Variants in RUBCN observed in about 807,000 individuals in gnomAD.
The protein encoded by RUBCN is rubicon autophagy regulator.
A neutral mutation model predicts 113.2 loss-of-function variants in RUBCN; 74 were observed. The ratio of observed to expected loss-of-function variants is 0.65; its 90% CI spans 0.54 to 0.79. The LOEUF is 0.79. Ranked by LOEUF, RUBCN falls within the 30% of genes least tolerant of loss-of-function variation. The pLI, the probability that RUBCN is intolerant of heterozygous loss-of-function variation, is 0.00. For synonymous variants in RUBCN, 480 were observed against 490.0 expected, an observed-to-expected ratio of 0.98 and a Z score of 0.27; for missense variants, 1,109 against 1,251.7, an observed-to-expected ratio of 0.89 and a Z score of 1.72.
chr3:197,688,595 A>G (rs981446210), intron 11 of RUBCN, among the ~76,000 whole-genome samples: 2 of 152,260 alleles, frequency 1.3e-5, no homozygotes, highest in Non-Finnish European at 2.9e-5. Context: ...AGAAGAATCT[A>G]CAAAGGAAGA....
At chr3:197,689,639 A>G (rs555155524) in intron 11 of RUBCN, among the ~76,000 whole-genome samples, 7 of 152,236 alleles carry the variant, frequency 4.6e-5, no homozygotes, top group Non-Finnish European at 1.0e-4. Flanking sequence ...GGAGTAGGAA[A>G]AAAAGGAACC....
In RUBCN at chr3:197,670,219, T is replaced by C. The variant is rs761975566; in HGVS notation, c.*4799A>G. On this transcript the variant is annotated 3_prime_UTR_variant, in exon 20 of 20. Transcript: ENST00000296343. The stretch of plus-strand genomic sequence containing the variant: ...ATAATTTTTATAACTGTCATTTTGA[T>C]GGTTGCATCAATTTTTTTATTTTCC... Among the ~76,000 whole-genome samples the C allele has an allele frequency of 5.3e-5, 8 of 152,236 alleles. No individual in the cohort carries two copies. The highest frequency in any genetic ancestry group is 1.3e-4 in the Admixed American group (2 of 15,288).
chr3:197,737,005 C>G, upstream of RUBCN: 1 of 1,137,936 alleles, frequency 8.8e-7, no homozygotes, highest in Non-Finnish European at 1.1e-6. Flanking sequence ...GCTCGCAGAC[C>G]GCGCCCCTCC....
At chr3:197,703,397 CAAAAAAAAAAAAAAAAAAAAAAA>C in intron 5 of RUBCN, 128 bp downstream of exon 5, 7 of 154,812 alleles carry the variant, frequency 4.5e-5, no homozygotes, top group Non-Finnish European at 5.8e-5. Context: ...GACTCTGTCT[CAAAAAAAAAAAAAAAAAAAAAAA>C]AAAAAAAAAA....
At chr3:197,745,726 G>GA (rs1728716054) in intron 1 of RUBCN, among the ~76,000 whole-genome samples, 1 of 151,982 alleles carries the variant, frequency 6.6e-6, no homozygotes, top group Non-Finnish European at 1.5e-5. Flanking sequence ...AAAGGAGCCA[G>GA]AAAGTGTTAA....
chr3:197,736,628 C>T (rs753378982), intron 1 of RUBCN, 27 bp downstream of exon 1: 1 of 1,532,414 alleles, frequency 6.5e-7, no homozygotes, highest in Admixed American at 2.0e-5. Context: ...TGTCGCTGCC[C>T]CGACTCCGCG....
In RUBCN at chr3:197,684,189, T is replaced by A. The variant is rs1405580122; in HGVS notation, c.1815A>T (p.Ser605=). 5 of 1,613,730 alleles carry A rather than the reference T, an allele frequency of 3.1e-6. No individual in the cohort carries two copies. The highest frequency in any genetic ancestry group is 4.2e-6 in the Non-Finnish European group (5 of 1,179,762). Residue 605 remains serine (S), a synonymous_variant, in exon 12 of 20, where the codon TCA becomes TCT. Transcript: ENST00000296343. ...QDADIRRNTA[S]SSKSFVSSQS... ...GGGAGGAAACGAAGGATTTGCTGCT[T>A]GAGGCTGTGTTCCTTCTGATGTCAG...
In RUBCN at chr3:197,681,145, A is replaced by G; in HGVS notation, c.2414T>C (p.Leu805Pro). 6.2e-7 allele frequency: 1 copy of G among 1,613,166 alleles called. No homozygotes were observed. Among genetic ancestry groups the G allele is most frequent in the Non-Finnish European group, 8.5e-7 (1 of 1,179,232 alleles). ...AGGTCTTACCCGGACTTGATTGAGC[A>G]GCTTGACCTTCCTATAGAGGGCACT... ...INSALYRKVK[L>P]LNQVRLLRVQ... Residue 805 changes from leucine (L) to proline (P), a missense_variant, in exon 16 of 20, where the codon CTG becomes CCG. Physicochemically the swap from Leu to Pro is moderately conservative, Grantham distance 98. This residue lies in a region of RUBCN where 306 missense variants were observed against 348.9 expected (regional missense o/e 0.88). Transcript: ENST00000296343. This position sits in a 1 kb window ranked among gnomAD's most constrained non-coding sequence, Gnocchi z 5.5.
At position 197,668,983 on chromosome 3, in the gene RUBCN, C is replaced by T. The variant is rs368104439; in HGVS notation, c.*6035G>A. The stretch of plus-strand genomic sequence containing the variant: ...TCTAACAGAACCACACTAATTTTTA[C>T]GTATGTTTTCCTTATGTATTTTTTC... On this transcript the variant is annotated 3_prime_UTR_variant, in exon 20 of 20. Transcript: ENST00000296343. 2.0e-4 allele frequency among the ~76,000 whole-genome samples: 30 copies of T among 151,896 alleles called. No individual in the cohort carries two copies. Among genetic ancestry groups the T allele is most frequent in the African/African-American group, 6.3e-4 (26 of 41,194 alleles).
At chr3:197,724,579 C>T (rs1418618185) in intron 1 of RUBCN, among the ~76,000 whole-genome samples, 1 of 152,054 alleles carries the variant, frequency 6.6e-6, no homozygotes, top group East Asian at 1.9e-4. Flanking sequence ...TGGGACAGGC[C>T]CATGGATCAC....
chr3:197,731,534 CT>C (rs1393524242), intron 1 of RUBCN, among the ~76,000 whole-genome samples: 1 of 152,248 alleles, frequency 6.6e-6, no homozygotes. Context: ...GGGGTGGTGG[CT>C]GGGCAGAGGG....
At chr3:197,677,608 C>G in intron 16 of RUBCN, 67 bp from the exon 17 acceptor site, 2 of 1,462,810 alleles carry the variant, frequency 1.4e-6, no homozygotes, top group Admixed American at 1.7e-5. Context: ...GTGTGGGAAG[C>G]CCAGGGCCTT....
chr3:197,742,375 C>T (rs902285726), intron 1 of RUBCN, among the ~76,000 whole-genome samples: 1 of 151,992 alleles, frequency 6.6e-6, no homozygotes, highest in African/African-American at 2.4e-5. Context: ...CGCCTGTAAT[C>T]CCAGCCACTT....
At chr3:197,687,820 G>C (rs953223011) in intron 11 of RUBCN, among the ~76,000 whole-genome samples, 1 of 152,190 alleles carries the variant, frequency 6.6e-6, no homozygotes, top group Non-Finnish European at 1.5e-5. Flanking sequence ...CCTGGTGACA[G>C]CTGCTGGCAT....
intron 1 of RUBCN, among the ~76,000 whole-genome samples, chr3:197,720,869 T>C (rs1311614593): frequency 2.0e-5 from 3 of 152,206 alleles, no homozygotes; most frequent in African/African-American, 7.2e-5. Context: ...TTTTAACTTT[T>C]TGAGGAACCT....
At chr3:197,746,625 C>T (rs545673110) in intron 1 of RUBCN, among the ~76,000 whole-genome samples, 3 of 152,170 alleles carry the variant, frequency 2.0e-5, no homozygotes, top group African/African-American at 4.8e-5. Context: ...TTATCTGAAA[C>T]GTGGGACATA....
intron 1 of RUBCN, among the ~76,000 whole-genome samples, chr3:197,746,928 T>C (rs1728770933): frequency 7.0e-6 from 1 of 143,372 alleles, no homozygotes; most frequent in Non-Finnish European, 1.5e-5. Flanking sequence ...TCTTGCTCAC[T>C]TTTTTTTTTT....
chr3:197,712,984 C>T (rs529302946), intron 2 of RUBCN, among the ~76,000 whole-genome samples: 63 of 151,908 alleles, frequency 4.1e-4, no homozygotes, highest in Non-Finnish European at 7.8e-4. Flanking sequence ...CTCAGCCTCC[C>T]GAGTAGCTGG....
At chr3:197,686,840 A>G (rs781229264) in intron 11 of RUBCN, among the ~76,000 whole-genome samples, 20 of 152,314 alleles carry the variant, frequency 1.3e-4, no homozygotes, top group Non-Finnish European at 2.6e-4. Flanking sequence ...GATGCATCAG[A>G]TATTAGGTTG....
Sources: allele counts gnomAD v4.1 joint callset (sites outside exome capture counted in the v4.1 genomes callset), GRCh38; gene constraint gnomAD v4.1.1; regional missense constraint gnomAD v4.1.1; non-coding constraint Gnocchi (gnomAD v3.1); transcripts MANE v1.5; gene names NCBI Gene and HGNC (gene_info 2026-07-23, HGNC 2026-07-21).